The following LRMDA variants were observed in gnomAD, a reference collection of about 807,000 sequenced individuals.
LRMDA encodes leucine rich melanocyte differentiation associated.
Under a neutral mutation model 29.8 loss-of-function variants are expected in LRMDA, and 18 were observed. The ratio of observed to expected loss-of-function variants is 0.60; its 90% CI spans 0.42 to 0.90. The LOEUF is 0.90. Ranked by LOEUF, LRMDA falls within the 40% of genes least tolerant of loss-of-function variation. LRMDA has a pLI of 0.00. For synonymous variants in LRMDA, 125 were observed against 109.4 expected (o/e 1.14, Z -0.89); for missense variants, 273 against 273.9 (o/e 1.00, Z 0.02).
At chr10:75,587,355 T>A (rs914408719) in intron 2 of LRMDA, among the ~76,000 whole-genome samples, 12 of 152,204 alleles carry the variant, frequency 7.9e-5, no homozygotes, top group African/African-American at 2.7e-4. Context: ...GTTTTTGTTT[T>A]TTTTCTGTTT....
intron 6 of LRMDA, among the ~76,000 whole-genome samples, 181 bp from the exon 7 acceptor site, chr10:76,557,028 G>A (rs2132401628): frequency 6.6e-6 from 1 of 152,272 alleles, no homozygotes; most frequent in African/African-American, 2.4e-5. Context: ...TCAACTCTGA[G>A]GTTGACAGAA....
intron 5 of LRMDA, among the ~76,000 whole-genome samples, chr10:76,075,647 T>C (rs1448654667): frequency 6.6e-6 from 1 of 152,238 alleles, no homozygotes; most frequent in Admixed American, 6.5e-5. Context: ...AGTCAGCTAC[T>C]GTAAACCCTT....
chr10:75,867,154 G>A (rs1253604279), intron 2 of LRMDA, among the ~76,000 whole-genome samples: 1 of 152,046 alleles, frequency 6.6e-6, no homozygotes, highest in African/African-American at 2.4e-5. Context: ...GTCTGAGCAA[G>A]TGAGATACAG....
At chr10:76,471,444 T>A (rs1842616695) in intron 6 of LRMDA, among the ~76,000 whole-genome samples, 1 of 151,546 alleles carries the variant, frequency 6.6e-6, no homozygotes, top group South Asian at 2.1e-4. Context: ...AGCGAAAAAT[T>A]ATTAAAGAAA....
At chr10:76,514,582 G>A (rs542444930) in intron 6 of LRMDA, among the ~76,000 whole-genome samples, 1 of 152,244 alleles carries the variant, frequency 6.6e-6, no homozygotes, top group South Asian at 2.1e-4. Flanking sequence ...TTGTGCTTAG[G>A]GAGTAGTGTT....
chr10:75,912,306 A>G (rs1474225968), intron 2 of LRMDA, among the ~76,000 whole-genome samples: 1 of 152,188 alleles, frequency 6.6e-6, no homozygotes, highest in African/African-American at 2.4e-5. Context: ...TGCTCTTCAC[A>G]TGCCTTTGAT....
chr10:75,756,148 C>G (rs1564559616), intron 2 of LRMDA, among the ~76,000 whole-genome samples: 1 of 152,184 alleles, frequency 6.6e-6, no homozygotes, highest in African/African-American at 2.4e-5. Flanking sequence ...CATATCCATT[C>G]TCTTCAACGT....
chr10:75,486,420 T>C (rs1844913759), intron 2 of LRMDA, among the ~76,000 whole-genome samples: 1 of 152,174 alleles, frequency 6.6e-6, no homozygotes, highest in Admixed American at 6.5e-5. Context: ...TTGTTATTCA[T>C]TATTATGCTA....
At position 75,969,809 on chromosome 10, in the gene LRMDA, C is replaced by T. The variant is rs182594400; in HGVS notation, c.132-66199C>T. On this transcript the variant is annotated intron_variant, in intron 2 of 6. Transcript: ENST00000611255. ...GGAAATTGAGCTCTGAGTCCTCAGA[C>T]CCAATATTTAAATATAATGTCTTCC... Among the ~76,000 whole-genome samples the T allele has an allele frequency of 2.6e-5, 4 of 152,228 alleles. No homozygotes were observed. The East Asian group carries it at 5.8e-4, about 22-fold the overall frequency.
chr10:75,892,109 T>C (rs552069235), intron 2 of LRMDA, among the ~76,000 whole-genome samples: 1 of 152,252 alleles, frequency 6.6e-6, no homozygotes, highest in Non-Finnish European at 1.5e-5. Flanking sequence ...CATGGTGGTA[T>C]TGCTGGAACT....
At chr10:76,341,862 C>A (rs973697872) in intron 6 of LRMDA, among the ~76,000 whole-genome samples, 1 of 152,106 alleles carries the variant, frequency 6.6e-6, no homozygotes, top group Non-Finnish European at 1.5e-5. Context: ...AAGACCCAGG[C>A]AGAAATAATA....
intron 2 of LRMDA, among the ~76,000 whole-genome samples, chr10:75,522,732 T>C (rs1185196947): frequency 6.6e-6 from 1 of 152,208 alleles, no homozygotes; most frequent in African/African-American, 2.4e-5. Context: ...AGAAGTCATT[T>C]ACTAAACACT....
At chr10:75,940,004 A>G (rs951662060) in intron 2 of LRMDA, among the ~76,000 whole-genome samples, 2 of 152,210 alleles carry the variant, frequency 1.3e-5, no homozygotes, top group African/African-American at 4.8e-5. Flanking sequence ...AGTTTGGATG[A>G]AGAGAACTAT....
chr10:76,558,079 G>A lies in LRMDA; in HGVS notation c.*791G>A, dbSNP rs1843579794. On this transcript the variant is annotated 3_prime_UTR_variant, in exon 7 of 7. Transcript: ENST00000611255. ...TGCCCTGAATATGATGCAGTGTAAG[G>A]CATAAGGCATCTTTCTCAGCATGAG... 6.6e-6 allele frequency: 1 copy of A among 152,168 alleles called. No homozygotes were observed. The highest frequency in any genetic ancestry group is 1.5e-5 in the Non-Finnish European group (1 of 68,056). The allele number at this position is 152,168 out of a possible 1,614,324, so 9.4% of individuals were successfully genotyped here.
At chr10:75,824,865 G>A (rs1267685484) in intron 2 of LRMDA, among the ~76,000 whole-genome samples, 1 of 152,196 alleles carries the variant, frequency 6.6e-6, no homozygotes, top group Non-Finnish European at 1.5e-5. Flanking sequence ...CACAGAGTAA[G>A]GGCTGAAAGG....
chr10:76,261,787 T>A (rs1401754165), intron 5 of LRMDA, among the ~76,000 whole-genome samples: 2 of 152,216 alleles, frequency 1.3e-5, no homozygotes, highest in Non-Finnish European at 2.9e-5. Flanking sequence ...TAGATAACAT[T>A]TCTGCAGGAT....
intron 2 of LRMDA, among the ~76,000 whole-genome samples, chr10:75,718,676 T>C (rs1435931152): frequency 6.6e-6 from 1 of 152,264 alleles, no homozygotes; most frequent in East Asian, 1.9e-4. Flanking sequence ...CTTCAGCCTT[T>C]TCAAAACTTC....
At chr10:76,447,086 C>G (rs910432203) in intron 6 of LRMDA, among the ~76,000 whole-genome samples, 22 of 151,456 alleles carry the variant, frequency 1.5e-4, no homozygotes, top group Admixed American at 1.4e-3. Context: ...TGTCTCAGTG[C>G]TGCACTCAGA....
intron 5 of LRMDA, among the ~76,000 whole-genome samples, chr10:76,082,482 G>A (rs1849064553): frequency 6.6e-6 from 1 of 152,080 alleles, no homozygotes; most frequent in Non-Finnish European, 1.5e-5. Context: ...GGCAGCCTTT[G>A]TACCTGTGAC....
Sources: gnomAD v4.1 joint callset for allele counts (sites outside exome capture counted in the v4.1 genomes callset) on GRCh38, gnomAD v4.1.1 for gene constraint, MANE v1.5 for transcripts, NCBI Gene and HGNC (gene_info 2026-07-23, HGNC 2026-07-21) for gene names.